The following DSCAML1 variants were observed in gnomAD, a reference collection of about 807,000 sequenced individuals.
DSCAML1 encodes the protein DS cell adhesion molecule like 1.
DSCAML1 carries 38 observed loss-of-function variants against 200.5 expected under a neutral mutation model. The ratio of observed to expected loss-of-function variants is 0.19; its 90% confidence interval spans 0.15 to 0.25. The LOEUF is 0.25. Ranked by LOEUF, DSCAML1 falls within the 10% of genes least tolerant of loss-of-function variation. The probability of loss-of-function intolerance (pLI) is 1.00; values close to 1 mark genes in which losing one functional copy is unlikely to be tolerated. For missense variants in DSCAML1, 2,223 were observed against 2,858.8 expected (o/e 0.78, Z 5.07); for synonymous variants, 1,215 against 1,165.0 (o/e 1.04, Z -0.87).
chr11:117,742,556 G>A lies in DSCAML1; in HGVS notation c.511+34235C>T, dbSNP rs188855119. On this transcript the variant is annotated intron_variant, in intron 3 of 32. Transcript: ENST00000651296. ...TTGGAGGAGGTGGAGGTGACTGGGC[G>A]GTGAGGAGCATGCCCAGGGCAGAGA... Among the ~76,000 whole-genome samples, 430 of 152,290 alleles carry A rather than the reference G, an allele frequency of 2.8e-3. 1 individual carries two copies. The highest frequency in any genetic ancestry group is 4.6e-3 in the Non-Finnish European group (311 of 68,024).
At chr11:117,644,181 C>G (rs575893085) in intron 3 of DSCAML1, among the ~76,000 whole-genome samples, 1 of 152,352 alleles carries the variant, frequency 6.6e-6, no homozygotes, top group East Asian at 1.9e-4. Flanking sequence ...TCCAGAAAAA[C>G]CCACTTCACA....
intron 3 of DSCAML1, among the ~76,000 whole-genome samples, chr11:117,773,087 G>A (rs896328904): frequency 6.6e-5 from 10 of 152,218 alleles, no homozygotes; most frequent in Non-Finnish European, 1.3e-4. Flanking sequence ...AGGGATAGCC[G>A]GGAAGGCTAA....
At chr11:117,476,113 T>C (rs2048786765) in intron 14 of DSCAML1, among the ~76,000 whole-genome samples, 1 of 152,240 alleles carries the variant, frequency 6.6e-6, no homozygotes, top group Non-Finnish European at 1.5e-5. Context: ...ACATATTTCA[T>C]TAAGGGCTCT....
intron 4 of DSCAML1, among the ~76,000 whole-genome samples, chr11:117,527,370 T>C (rs539412501): frequency 1.3e-5 from 2 of 152,150 alleles, no homozygotes; most frequent in South Asian, 4.2e-4. Context: ...CCAAGGGCAG[T>C]CAGCACCTGG....
At chr11:117,443,802 G>T in intron 21 of DSCAML1, 84 bp downstream of exon 21, 2 of 1,502,556 alleles carry the variant, frequency 1.3e-6, no homozygotes, top group Non-Finnish European at 1.8e-6. Flanking sequence ...GGAGCAGGCA[G>T]AGACCCTGTC....
chr11:117,590,830 T>G (rs1351793264), intron 3 of DSCAML1, among the ~76,000 whole-genome samples: 1 of 152,078 alleles, frequency 6.6e-6, no homozygotes, highest in African/African-American at 2.4e-5. Flanking sequence ...CAAGGAAGTA[T>G]TGTCAATTTT....
intron 3 of DSCAML1, among the ~76,000 whole-genome samples, chr11:117,561,301 C>A (rs922340602): frequency 6.6e-6 from 1 of 152,226 alleles, no homozygotes; most frequent in African/African-American, 2.4e-5. Context: ...TGAGTTCTAA[C>A]CAGTTCCACA....
intron 3 of DSCAML1, among the ~76,000 whole-genome samples, chr11:117,727,567 G>A (rs1313350138): frequency 6.6e-6 from 1 of 152,184 alleles, no homozygotes; most frequent in African/African-American, 2.4e-5. Flanking sequence ...AATTCCAATC[G>A]TAAAACACCA....
chr11:117,521,541 TGGACTG>T (rs2049887745), intron 5 of DSCAML1, 136 bp from the exon 6 acceptor site: 1 of 867,660 alleles, frequency 1.2e-6, no homozygotes, highest in African/African-American at 1.7e-5. Context: ...ACCCCTTGTG[TGGACTG>T]GGACTGGGGA....
At chr11:117,531,380 G>A (rs1406927173) in intron 4 of DSCAML1, among the ~76,000 whole-genome samples, 2 of 152,052 alleles carry the variant, frequency 1.3e-5, no homozygotes, top group Non-Finnish European at 2.9e-5. Flanking sequence ...GGGCTATGAC[G>A]GTCCCTGACA....
chr11:117,589,244 T>C (rs116507661), intron 3 of DSCAML1, among the ~76,000 whole-genome samples: 1,601 of 152,334 alleles, frequency 0.011, 30 homozygotes, highest in African/African-American at 0.037. Context: ...CTGCCGACTC[T>C]GCAGTGCGCC....
intron 3 of DSCAML1, among the ~76,000 whole-genome samples, chr11:117,755,484 A>G (rs983496249): frequency 1.3e-5 from 2 of 152,054 alleles, no homozygotes; most frequent in Non-Finnish European, 2.9e-5. Context: ...CCCAGCCAAG[A>G]ATCCATCCCT....
chr11:117,655,169 TG>T (rs1223688007), intron 3 of DSCAML1, among the ~76,000 whole-genome samples: 1 of 152,166 alleles, frequency 6.6e-6, no homozygotes, highest in East Asian at 1.9e-4. Context: ...GCCCTGATAT[TG>T]GGGGCTTTCT....
intron 3 of DSCAML1, among the ~76,000 whole-genome samples, chr11:117,559,982 GC>G (rs1402717831): frequency 2.0e-5 from 3 of 152,066 alleles, no homozygotes; most frequent in Non-Finnish European, 2.9e-5. Context: ...AGAAGCTCCA[GC>G]CCCCTGCCCA....
chr11:117,557,985 G>T (rs1294680546), intron 3 of DSCAML1, among the ~76,000 whole-genome samples: 1 of 152,066 alleles, frequency 6.6e-6, no homozygotes, highest in Non-Finnish European at 1.5e-5. Flanking sequence ...TACAAGCCCG[G>T]GATAGCAACC....
intron 14 of DSCAML1, among the ~76,000 whole-genome samples, chr11:117,475,497 G>T (rs896779407): frequency 1.3e-5 from 2 of 152,162 alleles, no homozygotes; most frequent in Admixed American, 6.5e-5. Context: ...TCAGTCCACA[G>T]TATCTTCTTT....
At chr11:117,575,873 A>AAAACAAAACAAAACAAAACAAAAC (rs1385893671) in intron 3 of DSCAML1, among the ~76,000 whole-genome samples, 12 of 141,016 alleles carry the variant, frequency 8.5e-5, no homozygotes, top group African/African-American at 3.1e-4. Flanking sequence ...AAAACAAAAC[A>AAAACAAAACAAAACAAAACAAAAC]AAACAAAACA....
chr11:117,780,875 G>A lies in DSCAML1; in HGVS notation c.47-65C>T, dbSNP rs758886236. 5 of 1,305,756 alleles carry A rather than the reference G, an allele frequency of 3.8e-6. No homozygotes were observed. The highest frequency in any genetic ancestry group is 1.5e-5 in the African/African-American group (1 of 65,972). The allele number at this position is 1,305,756 out of a possible 1,614,324, so 80.9% of individuals were successfully genotyped here. A position where few individuals can be genotyped will look rare whatever the true frequency, so the allele number is the denominator to read the frequency against. ...CTCTAACAATACCCATATAAGCCAC[G>A]GAGGCTTGCGACAGGCTGCACTCAT... On this transcript the variant is annotated intron_variant, in intron 1 of 32. Coordinates refer to ENST00000651296, the MANE Select transcript of DSCAML1 (RefSeq NM_020693.4). The surrounding 1 kb of genome is among the most constrained non-coding windows in gnomAD (Gnocchi z 4.8).
intron 19 of DSCAML1, 105 bp from the exon 20 acceptor site, chr11:117,450,793 T>C: frequency 7.3e-7 from 1 of 1,362,372 alleles, no homozygotes; most frequent in Non-Finnish European, 9.9e-7. Flanking sequence ...GGAGAGCTTC[T>C]TGGAGGTGGC....
Sources: gnomAD v4.1 joint callset for allele counts (sites outside exome capture counted in the v4.1 genomes callset) on GRCh38, gnomAD v4.1.1 for gene constraint, Gnocchi (gnomAD v3.1) non-coding constraint, MANE v1.5 for transcripts, NCBI Gene and HGNC (gene_info 2026-07-23, HGNC 2026-07-21) for gene names.